Variants in PANK1 observed in about 807,000 individuals in gnomAD.
The protein encoded by PANK1 is pantothenic acid kinase 1.
A neutral mutation model predicts 40.1 loss-of-function variants in PANK1; 18 were observed. The ratio of observed to expected loss-of-function variants is 0.45; its 90% CI spans 0.31 to 0.67. PANK1 has a LOEUF of 0.67. Among genes scored for constraint, PANK1 ranks in the 30% least tolerant of loss-of-function variants. PANK1 has a pLI of 0.06. For missense variants in PANK1, 457 were observed against 599.6 expected (o/e 0.76, Z 2.48); for synonymous variants, 242 against 237.7 (o/e 1.02, Z -0.17).
chr10:89,584,418 A>C lies in PANK1; in HGVS notation c.1374T>G (p.Thr458=). 5 of 1,603,304 alleles carry C rather than the reference A, an allele frequency of 3.1e-6. No homozygotes were observed. The highest frequency in any genetic ancestry group is 3.4e-6 in the Non-Finnish European group (4 of 1,170,222). The change falls in exon 7 of 7, where the codon ACT becomes ACG. Residue 458 remains threonine, a synonymous_variant. Transcript: ENST00000307534. The stretch of plus-strand genomic sequence containing the variant: ...CCACTGCTCGTCTCTACTTGTCATC[A>C]GTCATTTTGAACAGTTCCAACAGTG... ...VGALLELFKM[T]DDK
intron 5 of PANK1, 87 bp from the exon 6 acceptor site, chr10:89,588,864 G>T (rs899045129): frequency 5.9e-6 from 5 of 853,550 alleles, no homozygotes; most frequent in African/African-American, 5.3e-5. Context: ...TCTCTGTACA[G>T]AACCTTGAAG....
chr10:89,629,468 T>G (rs10881613), intron 1 of PANK1, among the ~76,000 whole-genome samples: 47,866 of 152,136 alleles, frequency 0.31, 8,121 homozygotes, highest in East Asian at 0.73. Flanking sequence ...CATTTAGTTT[T>G]GGGGCATAGT....
chr10:89,639,538 T>C (rs1025770406), intron 1 of PANK1, among the ~76,000 whole-genome samples: 3 of 152,198 alleles, frequency 2.0e-5, no homozygotes, highest in African/African-American at 7.2e-5. Flanking sequence ...TGGCCACCAT[T>C]ATCTCTATTC....
rs753169519 is a variant in PANK1 at position 89,593,300 on chromosome 10, T to G, written c.1097A>C (p.Lys366Thr). Residue 366 changes from lysine to threonine, a missense_variant, in exon 5 of 7, where the codon AAA becomes ACA. By Grantham distance (78) the Lys-to-Thr change is moderately conservative. Transcript: ENST00000307534. ...CTTGCTGATGGAATCTCGCTTTTCT[T>G]TACTCATCATGTTGCCAAAGCTATG... ...VASSFGNMMS[K>T]EKRDSISKED... 6.2e-7 allele frequency: 1 copy of G among 1,613,756 alleles called. No homozygotes were observed. Among genetic ancestry groups the G allele is most frequent in the Non-Finnish European group, 8.5e-7 (1 of 1,179,782 alleles).
intron 2 of PANK1, among the ~76,000 whole-genome samples, chr10:89,609,728 C>T (rs6586200): frequency 0.048 from 7,286 of 152,300 alleles, 220 homozygotes; most frequent in African/African-American, 0.086. Context: ...CTCCCTACTC[C>T]AGTCTATTCA....
At chr10:89,608,884 G>A (rs1448601384) in intron 2 of PANK1, among the ~76,000 whole-genome samples, 2 of 152,072 alleles carry the variant, frequency 1.3e-5, no homozygotes, top group African/African-American at 4.8e-5. Context: ...AGGACACTAA[G>A]GGCCTTAGCA....
chr10:89,605,860 T>C (rs902600349), intron 2 of PANK1, among the ~76,000 whole-genome samples: 11 of 152,154 alleles, frequency 7.2e-5, no homozygotes, highest in African/African-American at 2.7e-4. Flanking sequence ...AAAAAAGTAT[T>C]CCTTAAATAA....
chr10:89,608,267 G>A (rs1845037563), intron 2 of PANK1, among the ~76,000 whole-genome samples: 2 of 151,936 alleles, frequency 1.3e-5, no homozygotes, highest in Non-Finnish European at 2.9e-5. Context: ...TCCTGACCTC[G>A]TGATCCACCC....
At chr10:89,582,506 G>A (rs1844069933), downstream of PANK1, 1 of 152,148 alleles carries the variant, frequency 6.6e-6, no homozygotes. Flanking sequence ...ACACTAACTT[G>A]CCCTGATTTC....
chr10:89,597,876 GTT>G (rs1277554349), intron 3 of PANK1, among the ~76,000 whole-genome samples: 1 of 152,212 alleles, frequency 6.6e-6, no homozygotes, highest in Non-Finnish European at 1.5e-5. Flanking sequence ...CACGGAGTCA[GTT>G]TTGTTTCTTG....
At chr10:89,640,880 C>T (rs1841948802) in intron 1 of PANK1, among the ~76,000 whole-genome samples, 1 of 152,140 alleles carries the variant, frequency 6.6e-6, no homozygotes, top group South Asian at 2.1e-4. Flanking sequence ...ATAAAATATG[C>T]TTTGTATTAT....
intron 4 of PANK1, 68 bp downstream of exon 4, chr10:89,593,745 G>C (rs1027878336): frequency 1.3e-5 from 16 of 1,199,740 alleles, no homozygotes; most frequent in Non-Finnish European, 1.8e-5. Context: ...AAACAACTTA[G>C]TGAATGGCCA....
At chr10:89,626,031 G>A (rs1363278863) in intron 1 of PANK1, among the ~76,000 whole-genome samples, 2 of 152,178 alleles carry the variant, frequency 1.3e-5, no homozygotes, top group Non-Finnish European at 2.9e-5. Flanking sequence ...CGTCACTCTA[G>A]GGACCAGTGA....
chr10:89,644,387 A>C (rs146023885), intron 1 of PANK1, among the ~76,000 whole-genome samples: 1 of 152,292 alleles, frequency 6.6e-6, no homozygotes, highest in Non-Finnish European at 1.5e-5. Context: ...CTACTGATAG[A>C]AGCGAGCAAA....
intron 6 of PANK1, among the ~76,000 whole-genome samples, chr10:89,586,950 A>G (rs1362649318): frequency 6.6e-6 from 1 of 152,056 alleles, no homozygotes; most frequent in Non-Finnish European, 1.5e-5. Flanking sequence ...AACATGGTGA[A>G]ACCCTCTACT....
intron 1 of PANK1, among the ~76,000 whole-genome samples, chr10:89,625,442 G>A (rs1845632883): frequency 6.6e-6 from 1 of 152,154 alleles, no homozygotes; most frequent in Non-Finnish European, 1.5e-5. Context: ...GTATTATCCA[G>A]CCATGACTAA....
intron 1 of PANK1, among the ~76,000 whole-genome samples, chr10:89,625,477 A>T (rs1443212582): frequency 6.6e-6 from 1 of 152,198 alleles, no homozygotes; most frequent in African/African-American, 2.4e-5. Flanking sequence ...GTTTAGAAAC[A>T]TTCCACATAT....
At chr10:89,630,045 G>GTAAC (rs1400604799) in intron 1 of PANK1, among the ~76,000 whole-genome samples, 1 of 152,196 alleles carries the variant, frequency 6.6e-6, no homozygotes, top group Non-Finnish European at 1.5e-5. Context: ...TACTTGTTAT[G>GTAAC]TAACTGACCT....
intron 6 of PANK1, among the ~76,000 whole-genome samples, chr10:89,587,550 T>C (rs530467162): frequency 2.0e-5 from 3 of 151,220 alleles, no homozygotes; most frequent in Admixed American, 6.6e-5. Flanking sequence ...CATAAGTATC[T>C]TTATCTTCTT....
Sources: allele counts gnomAD v4.1 joint callset (sites outside exome capture counted in the v4.1 genomes callset), GRCh38; gene constraint gnomAD v4.1.1; transcripts MANE v1.5; gene names NCBI Gene and HGNC (gene_info 2026-07-23, HGNC 2026-07-21).